Variants in ERBB4 observed in about 807,000 individuals in gnomAD.
The protein encoded by ERBB4 is erb-b2 receptor tyrosine kinase 4.
In ERBB4, 42 loss-of-function variants were observed where a neutral mutation model predicts 158.0. That is an observed-to-expected ratio of 0.27 (90% CI 0.21 to 0.34). ERBB4 has a LOEUF of 0.34. Among genes scored for constraint, ERBB4 ranks in the 10% least tolerant of loss-of-function variants. The probability of loss-of-function intolerance (pLI) is 1.00; values close to 1 mark genes in which losing one functional copy is unlikely to be tolerated. For missense variants in ERBB4, 1,333 were observed against 1,624.1 expected, an observed-to-expected ratio of 0.82 and a Z score of 3.08; for synonymous variants, 583 against 558.7, an observed-to-expected ratio of 1.04 and a Z score of -0.61.
At chr2:212,536,777 G>A (rs1230846214) in intron 1 of ERBB4, among the ~76,000 whole-genome samples, 1 of 152,166 alleles carries the variant, frequency 6.6e-6, no homozygotes, top group Non-Finnish European at 1.5e-5. Flanking sequence ...GGCAGAGGCT[G>A]AACCAGACAG....
At chr2:211,662,560 T>C (rs1442586129) in intron 15 of ERBB4, among the ~76,000 whole-genome samples, 1 of 152,160 alleles carries the variant, frequency 6.6e-6, no homozygotes, top group East Asian at 1.9e-4. Context: ...AGATATCCAA[T>C]ATACAAAGCT....
chr2:211,801,582 G>T (rs1002234567), intron 3 of ERBB4, among the ~76,000 whole-genome samples: 1 of 151,996 alleles, frequency 6.6e-6, no homozygotes, highest in Non-Finnish European at 1.5e-5. Context: ...ACACAGAAGA[G>T]TTTTTATTCT....
At position 211,725,058 on chromosome 2, in the gene ERBB4, G is replaced by A. The variant is rs2106130817; in HGVS notation, c.741+18C>T. 3 of 1,497,468 alleles carry A rather than the reference G, an allele frequency of 2.0e-6. No homozygotes were observed. Among genetic ancestry groups the A allele is most frequent in the Non-Finnish European group, 2.8e-6 (3 of 1,073,380 alleles). 92.8% of individuals were successfully genotyped at this position (1,497,468 alleles called of 1,614,324 possible). ...GAAAGGAGAGCAGGATAATAAAAGA[G>A]AGAAATCACAGACATACAAAGCAGT... On this transcript the variant is annotated intron_variant, in intron 6 of 27. Coordinates refer to ENST00000342788, the MANE Select transcript of ERBB4 (RefSeq NM_005235.3).
intron 1 of ERBB4, among the ~76,000 whole-genome samples, chr2:212,375,009 G>C (rs964197856): frequency 6.6e-6 from 1 of 151,930 alleles, no homozygotes; most frequent in African/African-American, 2.4e-5. Context: ...TAATAAGTCT[G>C]GGTTAGAGGA....
At chr2:212,268,384 T>C (rs2085226109) in intron 1 of ERBB4, among the ~76,000 whole-genome samples, 1 of 151,904 alleles carries the variant, frequency 6.6e-6, no homozygotes, top group Non-Finnish European at 1.5e-5. Flanking sequence ...TTGCAGCTCT[T>C]TGAAACATTA....
chr2:211,394,425 C>T (rs1011767198), intron 25 of ERBB4, among the ~76,000 whole-genome samples: 10 of 151,982 alleles, frequency 6.6e-5, no homozygotes, highest in African/African-American at 1.9e-4. Context: ...TATTCATTTC[C>T]ATTAGCATGT....
At chr2:212,283,486 C>T (rs2085836302) in intron 1 of ERBB4, among the ~76,000 whole-genome samples, 1 of 151,868 alleles carries the variant, frequency 6.6e-6, no homozygotes, top group Non-Finnish European at 1.5e-5. Flanking sequence ...TGCAAATATC[C>T]TGAAATGTAT....
intron 3 of ERBB4, among the ~76,000 whole-genome samples, chr2:211,881,510 T>C (rs2078661174): frequency 1.3e-5 from 2 of 150,202 alleles, no homozygotes; most frequent in African/African-American, 2.5e-5. Context: ...TTCCCTTTTT[T>C]TGTTAGCACA....
At chr2:211,932,661 G>A (rs2080209796) in intron 3 of ERBB4, among the ~76,000 whole-genome samples, 1 of 151,798 alleles carries the variant, frequency 6.6e-6, no homozygotes, top group African/African-American at 2.4e-5. Flanking sequence ...CTGTTAATTT[G>A]ATAATTATAT....
At chr2:212,286,565 A>T (rs2106164090) in intron 1 of ERBB4, among the ~76,000 whole-genome samples, 1 of 142,856 alleles carries the variant, frequency 7.0e-6, no homozygotes, top group East Asian at 2.2e-4. Flanking sequence ...AGTTGTTCAG[A>T]TTAAATGAGA....
chr2:212,494,102 T>C (rs1207363163), intron 1 of ERBB4, among the ~76,000 whole-genome samples: 7 of 152,034 alleles, frequency 4.6e-5, no homozygotes, highest in African/African-American at 1.7e-4. Flanking sequence ...ACATAGCTGA[T>C]AACAAAGGCA....
intron 1 of ERBB4, among the ~76,000 whole-genome samples, chr2:212,328,693 C>T (rs956073978): frequency 1.3e-5 from 2 of 151,924 alleles, no homozygotes; most frequent in African/African-American, 4.8e-5. Flanking sequence ...TACTGATATT[C>T]TGATACACTT....
At chr2:212,192,439 T>C (rs1479616149) in intron 1 of ERBB4, among the ~76,000 whole-genome samples, 2 of 151,976 alleles carry the variant, frequency 1.3e-5, no homozygotes, top group African/African-American at 4.8e-5. Flanking sequence ...AGCCCATGTA[T>C]ATTGAGATCA....
At chr2:212,489,834 T>C (rs548656040) in intron 1 of ERBB4, among the ~76,000 whole-genome samples, 1 of 151,912 alleles carries the variant, frequency 6.6e-6, no homozygotes, top group East Asian at 1.9e-4. Flanking sequence ...TCTAATAATA[T>C]ACAACTTCCT....
At chr2:211,672,471 G>A (rs1201823214) in intron 14 of ERBB4, among the ~76,000 whole-genome samples, 1 of 152,090 alleles carries the variant, frequency 6.6e-6, no homozygotes, top group African/African-American at 2.4e-5. Context: ...CTATGTAAAT[G>A]AGACCTCATC....
rs867752254 is a variant in ERBB4 at position 211,798,083 on chromosome 2, C to T, written c.422-9924G>A. On this transcript the variant is annotated intron_variant, in intron 3 of 27. Coordinates refer to ENST00000342788, the MANE Select transcript of ERBB4 (RefSeq NM_005235.3). Reference sequence around the variant, plus strand: ...TATTTGTACATCTGTATCAAGCAGCCGCCACCCAGATAAAGACACAGCATA... The same window carrying T: ...TATTTGTACATCTGTATCAAGCAGCTGCCACCCAGATAAAGACACAGCATA... 9.9e-5 allele frequency among the ~76,000 whole-genome samples: 15 copies of T among 151,754 alleles called. No homozygotes were observed. In the South Asian group the frequency reaches 1.5e-3, roughly 15 times the overall value.
intron 1 of ERBB4, among the ~76,000 whole-genome samples, chr2:212,333,211 T>A (rs1033173107): frequency 1.3e-5 from 2 of 152,018 alleles, no homozygotes; most frequent in Non-Finnish European, 2.9e-5. Context: ...TGGGAAAAAC[T>A]TCCTGGTTAA....
chr2:212,222,915 G>T (rs766280028), intron 1 of ERBB4, among the ~76,000 whole-genome samples: 4 of 151,190 alleles, frequency 2.6e-5, no homozygotes, highest in South Asian at 4.1e-4. Context: ...ATGATTATTG[G>T]ATAGATAAAG....
intron 2 of ERBB4, among the ~76,000 whole-genome samples, chr2:211,978,881 AT>A (rs2081709279): frequency 6.6e-6 from 1 of 152,154 alleles, no homozygotes; most frequent in Admixed American, 6.5e-5. Context: ...TTAGACATCA[AT>A]CTGATTTTTA....
Sources: gnomAD v4.1 joint callset for allele counts (sites outside exome capture counted in the v4.1 genomes callset) on GRCh38, gnomAD v4.1.1 for gene constraint, MANE v1.5 for transcripts, NCBI Gene and HGNC (gene_info 2026-07-23, HGNC 2026-07-21) for gene names.